Variants in MFHAS1 observed in about 807,000 individuals in gnomAD.
The protein encoded by MFHAS1 is malignant fibrous histiocytoma-amplified sequence 1.
A neutral mutation model predicts 70.4 loss-of-function variants in MFHAS1; 50 were observed. The ratio of observed to expected loss-of-function variants is 0.71; its 90% CI spans 0.57 to 0.90. The LOEUF (loss-of-function observed/expected upper bound fraction) is 0.90, where lower values mean the gene tolerates loss of function less well. Among genes scored for constraint, MFHAS1 ranks in the 40% least tolerant of loss-of-function variants. The probability of loss-of-function intolerance (pLI) is 0.00; values close to 1 mark genes in which losing one functional copy is unlikely to be tolerated. For synonymous variants in MFHAS1, 952 were observed against 620.0 expected, an observed-to-expected ratio of 1.54 and a Z score of -7.96; for missense variants, 1,795 against 1,347.6, an observed-to-expected ratio of 1.33 and a Z score of -5.20.
intron 2 of MFHAS1, chr8:8,790,253 C>T: frequency 2.5e-6 from 1 of 400,046 alleles, no homozygotes; most frequent in Non-Finnish European, 3.4e-6. Context: ...CCCATATCCC[C>T]CCTAATCTCT....
At chr8:8,796,046 T>A (rs1215102610) in intron 2 of MFHAS1, among the ~76,000 whole-genome samples, 1 of 152,150 alleles carries the variant, frequency 6.6e-6, no homozygotes, top group Non-Finnish European at 1.5e-5. Flanking sequence ...GTAACAGGCA[T>A]TTCATCTCAG....
chr8:8,811,648 C>T (rs1463451203), intron 1 of MFHAS1, among the ~76,000 whole-genome samples: 1 of 152,232 alleles, frequency 6.6e-6, no homozygotes, highest in African/African-American at 2.4e-5. Flanking sequence ...TGCGTCTCCT[C>T]TGCAGGGACG....
chr8:8,834,443 G>T (rs1381038966), intron 1 of MFHAS1, among the ~76,000 whole-genome samples: 1 of 152,156 alleles, frequency 6.6e-6, no homozygotes, highest in East Asian at 1.9e-4. Flanking sequence ...CACGAGACGT[G>T]CCCTATACAA....
At chr8:8,866,428 C>T (rs1249773611) in intron 1 of MFHAS1, among the ~76,000 whole-genome samples, 2 of 151,950 alleles carry the variant, frequency 1.3e-5, no homozygotes, top group African/African-American at 4.8e-5. Flanking sequence ...AAACAATCCT[C>T]CCACCTCAGC....
At chr8:8,805,824 A>G (rs1806269270) in intron 1 of MFHAS1, among the ~76,000 whole-genome samples, 1 of 152,050 alleles carries the variant, frequency 6.6e-6, no homozygotes, top group African/African-American at 2.4e-5. Context: ...CAGACTCCCA[A>G]ATAGCTGGGA....
intron 1 of MFHAS1, among the ~76,000 whole-genome samples, chr8:8,872,297 G>C (rs1410613711): frequency 2.0e-5 from 3 of 152,114 alleles, no homozygotes; most frequent in African/African-American, 7.2e-5. Context: ...GCTTTACAGT[G>C]GGTTATGATC....
rs367920722 is a variant in MFHAS1, at chr8:8,797,386, G to C, written c.3104C>G (p.Thr1035Ser). ...TCACTTGGAACAGGGGCTGATCACAGTCGGCGTGGGTGGGTAAACCAAGGC... is the reference window on the plus strand; with the variant it reads ...TCACTTGGAACAGGGGCTGATCACACTCGGCGTGGGTGGGTAAACCAAGGC... ...NVALVYPPTPTVISPCSKKNV... is the reference protein window; with the variant it reads ...NVALVYPPTPSVISPCSKKNV... Residue 1035 changes from threonine (T) to serine (S), a missense_variant, in exon 2 of 3, where the codon ACT becomes AGT. Coordinates refer to ENST00000276282, the MANE Select transcript of MFHAS1 (RefSeq NM_004225.3). 1.2e-4 allele frequency: 187 copies of C among 1,614,002 alleles called. 2 individuals carry two copies. Among genetic ancestry groups the C allele is most frequent in the Non-Finnish European group, 1.0e-4 (119 of 1,180,020 alleles).
rs567318277 is a variant in MFHAS1, at chr8:8,835,120, A to T, written c.2999-37629T>A. ...ATAGGGCAACCTAATTCCCATGGAC[A>T]GAAAGCAGATGAGTGGTTGTTCGAG... On this transcript the variant is annotated intron_variant, in intron 1 of 2. Coordinates refer to ENST00000276282, the MANE Select transcript of MFHAS1 (RefSeq NM_004225.3). 1.3e-5 allele frequency among the ~76,000 whole-genome samples: 2 copies of T among 152,346 alleles called. 1 individual carries two copies. Among genetic ancestry groups the T allele is most frequent in the South Asian group, 4.1e-4 (2 of 4,826 alleles).
At chr8:8,856,893 A>T (rs759623140) in intron 1 of MFHAS1, among the ~76,000 whole-genome samples, 2 of 147,406 alleles carry the variant, frequency 1.4e-5, no homozygotes, top group African/African-American at 4.9e-5. Flanking sequence ...AGAAGCCACT[A>T]GGATTCTCTA....
chr8:8,814,656 C>T (rs1382598902), intron 1 of MFHAS1, among the ~76,000 whole-genome samples: 1 of 151,770 alleles, frequency 6.6e-6, no homozygotes, highest in African/African-American at 2.4e-5. Context: ...GACCTATGTG[C>T]CAAATATGTA....
chr8:8,888,645 A>G (rs1809864955), intron 1 of MFHAS1, among the ~76,000 whole-genome samples: 2 of 152,226 alleles, frequency 1.3e-5, no homozygotes, highest in African/African-American at 4.8e-5. Flanking sequence ...AAAATCCCAT[A>G]TAAGTAAAAC....
At chr8:8,828,082 G>C (rs1206391525) in intron 1 of MFHAS1, among the ~76,000 whole-genome samples, 1 of 152,126 alleles carries the variant, frequency 6.6e-6, no homozygotes, top group Admixed American at 6.6e-5. Flanking sequence ...TGGAGGCACA[G>C]TGTGAAGCAG....
chr8:8,849,201 C>T (rs1041916042), intron 1 of MFHAS1, among the ~76,000 whole-genome samples: 5 of 151,180 alleles, frequency 3.3e-5, no homozygotes, highest in Middle Eastern at 3.2e-3. Context: ...CTGCCTTAGC[C>T]TCCCGAGTAG....
Position 8,786,646 on chromosome 8 carries a change from T to G in MFHAS1, c.3126-591A>C, listed in dbSNP as rs151095443. 1.8e-3 allele frequency among the ~76,000 whole-genome samples: 269 copies of G among 151,824 alleles called. 2 individuals are homozygous for G. Among genetic ancestry groups the G allele is most frequent in the Admixed American group, 3.9e-3 (59 of 15,258 alleles). ...AATGGTTAGAGGAAAAAATATCAAG[T>G]GTTTTTCTCATTTTTGCTTCCCTAC... On this transcript the variant is annotated intron_variant, in intron 2 of 2. Coordinates refer to ENST00000276282, the MANE Select transcript of MFHAS1 (RefSeq NM_004225.3).
At chr8:8,813,783 A>G (rs1255685174) in intron 1 of MFHAS1, among the ~76,000 whole-genome samples, 1 of 152,148 alleles carries the variant, frequency 6.6e-6, no homozygotes, top group African/African-American at 2.4e-5. Flanking sequence ...GACTTAATAA[A>G]TTGGATGTGG....
chr8:8,879,276 G>A (rs13261380), intron 1 of MFHAS1, among the ~76,000 whole-genome samples: 96,798 of 151,844 alleles, frequency 0.64, 31,925 homozygotes, highest in Non-Finnish European at 0.73. Context: ...ACTTGAACCC[G>A]GGAGGCGGAA....
At chr8:8,857,743 G>T (rs897646205) in intron 1 of MFHAS1, among the ~76,000 whole-genome samples, 25 of 151,414 alleles carry the variant, frequency 1.7e-4, no homozygotes, top group African/African-American at 5.3e-4. Flanking sequence ...CTGGGCAACA[G>T]AGCAAGACTC....
chr8:8,843,936 A>G (rs945817434), intron 1 of MFHAS1, among the ~76,000 whole-genome samples: 1 of 152,266 alleles, frequency 6.6e-6, no homozygotes, highest in African/African-American at 2.4e-5. Flanking sequence ...ATTAAAAAAT[A>G]GCAGAATCTT....
At chr8:8,794,570 TAA>T (rs1805829706) in intron 2 of MFHAS1, among the ~76,000 whole-genome samples, 1 of 152,196 alleles carries the variant, frequency 6.6e-6, no homozygotes, top group South Asian at 2.1e-4. Flanking sequence ...TGCTTTTCTA[TAA>T]AGTCACACAA....
Sources: gnomAD v4.1 joint callset for allele counts (sites outside exome capture counted in the v4.1 genomes callset) on GRCh38, gnomAD v4.1.1 for gene constraint, MANE v1.5 for transcripts, NCBI Gene and HGNC (gene_info 2026-07-23, HGNC 2026-07-21) for gene names.